The following TTLL7 variants were observed in gnomAD, a reference collection of about 807,000 sequenced individuals.
TTLL7 encodes the protein tubulin polyglutamylase TTLL7.
In TTLL7, 53 loss-of-function variants were observed where a neutral mutation model predicts 120.2. That is an observed-to-expected ratio of 0.44 (90% CI 0.35 to 0.55). The LOEUF is 0.55. TTLL7 is among the 20% of genes least tolerant of loss of function. The pLI is 0.00. For synonymous variants in TTLL7, 353 were observed against 351.7 expected (o/e 1.00, Z -0.04); for missense variants, 803 against 1,054.7 (o/e 0.76, Z 3.31).
chr1:83,959,470 C>G (rs1649824724), intron 1 of TTLL7, among the ~76,000 whole-genome samples: 1 of 152,080 alleles, frequency 6.6e-6, no homozygotes, highest in African/African-American at 2.4e-5. Flanking sequence ...TTTTCATAAT[C>G]TGCTTTGGAA....
intron 19 of TTLL7, among the ~76,000 whole-genome samples, chr1:83,885,531 T>G (rs901676180): frequency 6.6e-6 from 1 of 152,066 alleles, no homozygotes; most frequent in Non-Finnish European, 1.5e-5. Flanking sequence ...AATAAATATA[T>G]GAATCAAGGT....
chr1:83,907,370 G>A lies in TTLL7; in HGVS notation c.1992+86C>T, dbSNP rs559872731. On this transcript the variant is annotated intron_variant, in intron 16 of 20. Coordinates refer to ENST00000260505, the MANE Select transcript of TTLL7 (RefSeq NM_024686.6). ...AGTTGAATTATGGAAAGGATCTGAG[G>A]TTCAGTCTGTCCTCCTCTCATCTGA... is the stretch of plus-strand genomic sequence containing the variant. The A allele has an allele frequency of 1.5e-4, 182 of 1,200,320 alleles. 1 individual carries two copies. The highest frequency in any genetic ancestry group is 2.0e-4 in the South Asian group (15 of 75,486). 74.4% of individuals were successfully genotyped at this position (1,200,320 alleles called of 1,614,324 possible). A position where few individuals can be genotyped will look rare whatever the true frequency, so the allele number is the denominator to read the frequency against.
At chr1:83,919,168 C>T (rs1372999789) in intron 13 of TTLL7, among the ~76,000 whole-genome samples, 1 of 151,826 alleles carries the variant, frequency 6.6e-6, no homozygotes, top group African/African-American at 2.4e-5. Flanking sequence ...TGTGCCCAGC[C>T]ACGATTGCAG....
At chr1:83,985,054 T>C (rs1426307615) in intron 1 of TTLL7, among the ~76,000 whole-genome samples, 5 of 152,178 alleles carry the variant, frequency 3.3e-5, no homozygotes, top group Non-Finnish European at 5.9e-5. Context: ...TATGACTACA[T>C]ATATAAGGGA....
At chr1:83,964,471 T>G (rs1230771155) in intron 1 of TTLL7, among the ~76,000 whole-genome samples, 1 of 152,172 alleles carries the variant, frequency 6.6e-6, no homozygotes, top group East Asian at 1.9e-4. Flanking sequence ...ACTGTAGAAA[T>G]GTATCACCAA....
chr1:83,927,321 G>A (rs1286199191), intron 10 of TTLL7, among the ~76,000 whole-genome samples: 1 of 152,140 alleles, frequency 6.6e-6, no homozygotes, highest in Non-Finnish European at 1.5e-5. Context: ...CAGAGGATAA[G>A]AGAGTAAACA....
At position 83,867,794 on chromosome 1, in the gene TTLL7, C is replaced by T. The variant is rs950184895; in HGVS notation, c.*2168G>A. On this transcript the variant is annotated 3_prime_UTR_variant, in exon 21 of 21. Coordinates refer to ENST00000260505, the MANE Select transcript of TTLL7 (RefSeq NM_024686.6). The stretch of plus-strand genomic sequence containing the variant: ...AAGAAAAATGAACTCCATGAAAAGA[C>T]TTATTACTTGTTGATCATCTTTATG... The T allele has an allele frequency of 6.6e-6, 1 of 151,866 alleles. No homozygotes were observed. Among genetic ancestry groups the T allele is most frequent in the East Asian group, 1.9e-4 (1 of 5,180 alleles). The allele number at this position is 151,866 out of a possible 1,614,324, so 9.4% of individuals were successfully genotyped here. A position where few individuals can be genotyped will look rare whatever the true frequency, so the allele number is the denominator to read the frequency against.
At chr1:83,936,351 A>G (rs979795370) in intron 8 of TTLL7, among the ~76,000 whole-genome samples, 11 of 152,236 alleles carry the variant, frequency 7.2e-5, no homozygotes, top group African/African-American at 2.6e-4. Flanking sequence ...ACAAATGTGT[A>G]CAGAAAAAAA....
intron 1 of TTLL7, among the ~76,000 whole-genome samples, chr1:83,996,416 A>G (rs1021414544): frequency 6.6e-6 from 1 of 152,204 alleles, no homozygotes; most frequent in Non-Finnish European, 1.5e-5. Flanking sequence ...CCATGTATCC[A>G]AACAGTAGAT....
chr1:83,892,507 T>C (rs1337779069), intron 18 of TTLL7, among the ~76,000 whole-genome samples: 1 of 142,300 alleles, frequency 7.0e-6, no homozygotes, highest in African/African-American at 2.6e-5. Context: ...AACATATGAA[T>C]GAACATATAT....
intron 19 of TTLL7, among the ~76,000 whole-genome samples, chr1:83,884,788 G>A (rs1461075584): frequency 1.3e-5 from 2 of 151,044 alleles, no homozygotes; most frequent in African/African-American, 4.9e-5. Flanking sequence ...ACGAGTTAAT[G>A]GGTGCAGCAC....
intron 1 of TTLL7, among the ~76,000 whole-genome samples, chr1:83,958,922 C>G (rs973363998): frequency 9.2e-5 from 14 of 152,100 alleles, no homozygotes; most frequent in African/African-American, 3.4e-4. Context: ...GTTCACAGAC[C>G]ACACTTTGAG....
chr1:83,997,689 C>G (rs962165368), intron 1 of TTLL7, among the ~76,000 whole-genome samples: 2 of 152,158 alleles, frequency 1.3e-5, no homozygotes, highest in Non-Finnish European at 2.9e-5. Flanking sequence ...ACCTGTCACC[C>G]TATTGTGGGG....
chr1:83,984,283 G>A (rs1190019971), intron 1 of TTLL7: 1 of 152,170 alleles, frequency 6.6e-6, no homozygotes, highest in Non-Finnish European at 1.5e-5. Context: ...TGCCAGCAAG[G>A]CTGCAGAGAA....
chr1:83,966,934 A>G (rs879336950), intron 1 of TTLL7, among the ~76,000 whole-genome samples: 8 of 152,138 alleles, frequency 5.3e-5, no homozygotes, highest in Non-Finnish European at 8.8e-5. Flanking sequence ...GTGTGGAAAA[A>G]CATAGACAAT....
chr1:83,907,994 T>C (rs1657348778), intron 15 of TTLL7, among the ~76,000 whole-genome samples: 1 of 152,094 alleles, frequency 6.6e-6, no homozygotes. Context: ...AAGCCAGGCA[T>C]TGTGCTAAGT....
At chr1:83,909,937 T>C (rs1348197353) in intron 15 of TTLL7, among the ~76,000 whole-genome samples, 1 of 152,146 alleles carries the variant, frequency 6.6e-6, no homozygotes, top group East Asian at 1.9e-4. Context: ...TGAAAGTATT[T>C]AAGGAATCCT....
At chr1:83,880,789 C>T (rs959357813) in intron 20 of TTLL7, among the ~76,000 whole-genome samples, 1 of 152,018 alleles carries the variant, frequency 6.6e-6, no homozygotes, top group Non-Finnish European at 1.5e-5. Flanking sequence ...CCAAGTCAAT[C>T]CTAAGCCAAA....
At chr1:83,918,116 T>A (rs898146215) in intron 13 of TTLL7, among the ~76,000 whole-genome samples, 3 of 152,176 alleles carry the variant, frequency 2.0e-5, no homozygotes, top group African/African-American at 7.2e-5. Flanking sequence ...ATAATTGGAC[T>A]AACAGTTTCA....
Sources: gnomAD v4.1 joint callset for allele counts (sites outside exome capture counted in the v4.1 genomes callset) on GRCh38, gnomAD v4.1.1 for gene constraint, MANE v1.5 for transcripts, NCBI Gene and HGNC (gene_info 2026-07-23, HGNC 2026-07-21) for gene names.